DHCR24: variants seen among roughly 807,000 people sequenced by gnomAD.
The protein encoded by DHCR24 is delta(24)-sterol reductase.
DHCR24 carries 28 observed loss-of-function variants against 61.2 expected under a neutral mutation model. That is an observed-to-expected ratio of 0.46 (90% CI 0.34 to 0.63). The LOEUF is 0.63. Ranked by LOEUF, DHCR24 falls within the 20% of genes least tolerant of loss-of-function variation. The pLI is 0.01. For synonymous variants in DHCR24, 261 were observed against 275.9 expected, an observed-to-expected ratio of 0.95 and a Z score of 0.54; for missense variants, 538 against 679.1, an observed-to-expected ratio of 0.79 and a Z score of 2.31.
At chr1:54,861,921 A>G (rs1646940435) in intron 6 of DHCR24, among the ~76,000 whole-genome samples, 1 of 152,148 alleles carries the variant, frequency 6.6e-6, no homozygotes, top group Non-Finnish European at 1.5e-5. Context: ...TTTCACTGAG[A>G]AAACAGAAGC....
At chr1:54,855,835 C>T (rs1378521796) in intron 6 of DHCR24, among the ~76,000 whole-genome samples, 1 of 152,126 alleles carries the variant, frequency 6.6e-6, no homozygotes, top group Non-Finnish European at 1.5e-5. Flanking sequence ...CTACACATGC[C>T]CACAGCAGAA....
At position 54,883,886 on chromosome 1, in the gene DHCR24, G is replaced by A; in HGVS notation, c.232-113C>T. ...AATGATGCCTCCATCAGGCACTGGA[G>A]AAACAGAACAATGAAAAGGCCTGCT... On this transcript the variant is annotated intron_variant, in intron 1 of 8. Transcript: ENST00000371269. The surrounding 1 kb of genome is among the most constrained non-coding windows in gnomAD (Gnocchi z 4.3). 1 of 1,454,522 alleles carries A rather than the reference G, an allele frequency of 6.9e-7. No homozygotes were observed. 90.1% of individuals were successfully genotyped at this position (1,454,522 alleles called of 1,614,324 possible).
At chr1:54,880,215 A>G (rs1032518453) in intron 2 of DHCR24, among the ~76,000 whole-genome samples, 1 of 152,258 alleles carries the variant, frequency 6.6e-6, no homozygotes, top group Non-Finnish European at 1.5e-5. Context: ...CTTTATGTCA[A>G]TAAATTATAC....
At chr1:54,871,839 A>T (rs1647001665) in intron 4 of DHCR24, among the ~76,000 whole-genome samples, 1 of 151,884 alleles carries the variant, frequency 6.6e-6, no homozygotes, top group Non-Finnish European at 1.5e-5. Context: ...ACCCTCACTG[A>T]GAGAGCATCC....
intron 5 of DHCR24, 143 bp downstream of exon 5, chr1:54,871,207 C>T: frequency 1.2e-6 from 1 of 866,254 alleles, no homozygotes; most frequent in East Asian, 2.6e-5. Flanking sequence ...ATGATAGATC[C>T]TGTTGCCTGT....
At chr1:54,858,617 T>C (rs575804974) in intron 6 of DHCR24, among the ~76,000 whole-genome samples, 3 of 152,326 alleles carry the variant, frequency 2.0e-5, no homozygotes, top group African/African-American at 7.2e-5. Context: ...TAGCTCTGTG[T>C]AGCAGTTTTA....
In DHCR24 at chr1:54,887,139, A is replaced by T. The variant is rs1194652532; in HGVS notation, c.-20T>A. On this transcript the variant is annotated 5_prime_UTR_variant, in exon 1 of 9. Coordinates refer to ENST00000371269, the MANE Select transcript of DHCR24 (RefSeq NM_014762.4). Reference sequence around the variant, plus strand: ...CTCCATGGTGCGGCGCCGCGCGGTAAGCGCTGCGGGTTCGCGCCTCCTGTC... The same window carrying T: ...CTCCATGGTGCGGCGCCGCGCGGTATGCGCTGCGGGTTCGCGCCTCCTGTC... The T allele has an allele frequency of 1.3e-6, 2 of 1,547,784 alleles. No homozygotes were observed. Among genetic ancestry groups the T allele is most frequent in the South Asian group, 1.2e-5 (1 of 84,648 alleles).
At chr1:54,862,403 G>A (rs948371396) in intron 6 of DHCR24, among the ~76,000 whole-genome samples, 7 of 152,174 alleles carry the variant, frequency 4.6e-5, no homozygotes, top group Admixed American at 3.3e-4. Context: ...CAGAGGTCGA[G>A]TCTGTCTTCA....
At chr1:54,882,111 C>T (rs1647066503) in intron 2 of DHCR24, among the ~76,000 whole-genome samples, 1 of 135,900 alleles carries the variant, frequency 7.4e-6, no homozygotes, top group African/African-American at 2.8e-5. Context: ...GTACAGGTAC[C>T]ACTTAATTTA....
rs550124340 is a variant in DHCR24, at chr1:54,883,935, T to C, written c.232-162A>G. 9.2e-5 allele frequency among the ~76,000 whole-genome samples: 14 copies of C among 152,320 alleles called. 1 individual carries two copies. The highest frequency in any genetic ancestry group is 8.5e-4 in the Admixed American group (13 of 15,304). ...CTGGCCCTACCCTCTGGCACCTCCC[T>C]GGCCAGCAAGGCTGACAGAAAAGCC... On this transcript the variant is annotated intron_variant, in intron 1 of 8. Coordinates refer to ENST00000371269, the MANE Select transcript of DHCR24 (RefSeq NM_014762.4). This position sits in a 1 kb window ranked among gnomAD's most constrained non-coding sequence, Gnocchi z 4.3.
intron 6 of DHCR24, among the ~76,000 whole-genome samples, chr1:54,860,514 ATC>A (rs1489388380): frequency 6.6e-6 from 1 of 152,098 alleles, no homozygotes; most frequent in African/African-American, 2.4e-5. Flanking sequence ...CTGCTTCCAG[ATC>A]TCTGTTCCTC....
At chr1:54,875,608 G>C (rs1401077216) in intron 3 of DHCR24, among the ~76,000 whole-genome samples, 1 of 152,140 alleles carries the variant, frequency 6.6e-6, no homozygotes, top group Non-Finnish European at 1.5e-5. Context: ...TGAAGAAGAA[G>C]AGGCTTTGGG....
chr1:54,872,095 C>T (rs1278377777), intron 4 of DHCR24, among the ~76,000 whole-genome samples: 1 of 152,122 alleles, frequency 6.6e-6, no homozygotes, highest in Non-Finnish European at 1.5e-5. Context: ...GGGATCCACC[C>T]CCGACAGAGC....
intron 5 of DHCR24, 77 bp from the exon 6 acceptor site, chr1:54,865,523 C>T (rs1483250552): frequency 6.3e-6 from 10 of 1,582,638 alleles, no homozygotes; most frequent in South Asian, 2.2e-5. Context: ...CGACACCCGG[C>T]TTCTGTTCAG....
At chr1:54,868,467 C>T (rs1646979702) in intron 5 of DHCR24, among the ~76,000 whole-genome samples, 1 of 151,202 alleles carries the variant, frequency 6.6e-6, no homozygotes, top group African/African-American at 2.4e-5. Flanking sequence ...GAGACTCTGT[C>T]TCAAAAAAAA....
chr1:54,875,708 G>C (rs1011237146), intron 3 of DHCR24, among the ~76,000 whole-genome samples: 1 of 152,152 alleles, frequency 6.6e-6, no homozygotes, highest in Non-Finnish European at 1.5e-5. Flanking sequence ...CAAGTCACAG[G>C]GAAGCAGATT....
chr1:54,863,770 A>C (rs1209255071), intron 6 of DHCR24, among the ~76,000 whole-genome samples: 1 of 152,254 alleles, frequency 6.6e-6, no homozygotes, highest in Non-Finnish European at 1.5e-5. Context: ...AGAAACCTAC[A>C]GAATTGGAGA....
chr1:54,867,424 C>G (rs1232280291), intron 5 of DHCR24, among the ~76,000 whole-genome samples: 1 of 152,172 alleles, frequency 6.6e-6, no homozygotes, highest in African/African-American at 2.4e-5. Flanking sequence ...GTCTTGCTCA[C>G]TGGGGCACTT....
At chr1:54,884,148 G>C (rs770519584) in intron 1 of DHCR24, among the ~76,000 whole-genome samples, 2 of 152,222 alleles carry the variant, frequency 1.3e-5, no homozygotes, top group East Asian at 3.8e-4. Context: ...ACACTGTCTT[G>C]TGTAATTCCT....
Sources: gnomAD v4.1 joint callset for allele counts (sites outside exome capture counted in the v4.1 genomes callset) on GRCh38, gnomAD v4.1.1 for gene constraint, Gnocchi (gnomAD v3.1) non-coding constraint, MANE v1.5 for transcripts, NCBI Gene and HGNC (gene_info 2026-07-23, HGNC 2026-07-21) for gene names.